Variants in ZNF765 observed in about 807,000 individuals in gnomAD.
The protein encoded by ZNF765 is zinc finger protein 765.
In ZNF765, 37 loss-of-function variants were observed where a neutral mutation model predicts 44.7. That is an observed-to-expected ratio of 0.83 (90% CI 0.64 to 1.09). The LOEUF is 1.09. Among genes scored for constraint, ZNF765 ranks in the 50% least tolerant of loss-of-function variants. The pLI is 0.00. For synonymous variants in ZNF765, 201 were observed against 213.7 expected (o/e 0.94, Z 0.52); for missense variants, 594 against 626.1 (o/e 0.95, Z 0.55).
At chr19:53,426,504 T>C (rs1458023807) in exon 4 of ZNF765, 2 of 152,192 alleles carry the variant, frequency 1.3e-5, no homozygotes, top group African/African-American at 4.8e-5. Flanking sequence ...GCTGCACTAA[T>C]CTAGACCAGG....
rs201345896 is a variant in ZNF765 at position 53,407,777 on chromosome 19, T to G, written c.222T>G (p.Ser74=). 3 of 1,610,722 alleles carry G rather than the reference T, an allele frequency of 1.9e-6. No homozygotes were observed. The highest frequency in any genetic ancestry group is 1.7e-5 in the Admixed American group (1 of 59,640). ...GAGAAGTGTTCCATGCAGGGACATCTCAAAGACATGAAAGTCATCACAATG... is the reference window on the plus strand; with the variant it reads ...GAGAAGTGTTCCATGCAGGGACATCGCAAAGACATGAAAGTCATCACAATG... ...GNREVFHAGT[S]QRHESHHNGD... The change falls in exon 4 of 4, where the codon TCT becomes TCG. Residue 74 remains serine (S), a synonymous_variant. Coordinates refer to ENST00000396408, the MANE Select transcript of ZNF765 (RefSeq NM_001040185.3).
rs771703645 is a variant in ZNF765, at chr19:53,407,821, A to G, written c.266A>G (p.Asp89Gly). The part of the protein sequence containing the change: ...SHHNGDFCFQ[D>G]IDKDIHDIEF... ...CACAATGGAGATTTTTGTTTCCAGGATATTGATAAAGATATTCATGACATT... is the reference window on the plus strand; with the variant it reads ...CACAATGGAGATTTTTGTTTCCAGGGTATTGATAAAGATATTCATGACATT... Residue 89 changes from aspartate to glycine, a missense_variant, in exon 4 of 4, where the codon GAT becomes GGT. This residue lies in a region of ZNF765 where 567 missense variants were observed against 572.6 expected (regional missense o/e 0.99). Coordinates refer to ENST00000396408, the MANE Select transcript of ZNF765 (RefSeq NM_001040185.3). The G allele has an allele frequency of 3.0e-5, 49 of 1,613,446 alleles. No individual in the cohort carries two copies. The highest frequency in any genetic ancestry group is 3.8e-5 in the Non-Finnish European group (45 of 1,179,818).
downstream of ZNF765, among the ~76,000 whole-genome samples, chr19:53,413,940 A>AAAAAG (rs2085852818): frequency 6.7e-6 from 1 of 149,654 alleles, no homozygotes; most frequent in Non-Finnish European, 1.5e-5. Flanking sequence ...CAAAAAAAAA[A>AAAAAG]AAAAAAAAGC....
intron 3 of ZNF765, among the ~76,000 whole-genome samples, chr19:53,418,919 A>T (rs536018472): frequency 9.3e-5 from 14 of 151,096 alleles, no homozygotes; most frequent in African/African-American, 3.1e-4. Flanking sequence ...GGAAAAAAAA[A>T]AAAAAAAAAA....
At chr19:53,406,206 T>C (rs981606206) in intron 3 of ZNF765, among the ~76,000 whole-genome samples, 3 of 151,590 alleles carry the variant, frequency 2.0e-5, no homozygotes, top group African/African-American at 7.3e-5. Flanking sequence ...TTTTTTTGTA[T>C]TTTTAGTAGA....
rs2085812674 is a variant in ZNF765 at position 53,409,458 on chromosome 19, T to G, written c.*331T>G. On this transcript the variant is annotated 3_prime_UTR_variant, in exon 4 of 4. Coordinates refer to ENST00000396408, the MANE Select transcript of ZNF765 (RefSeq NM_001040185.3). ...ACACTGGTGAGAAACCTTACAGGTGTAATGAGTGTGGCAAGACCTTCAGCC... is the reference window on the plus strand; with the variant it reads ...ACACTGGTGAGAAACCTTACAGGTGGAATGAGTGTGGCAAGACCTTCAGCC... The G allele has an allele frequency of 1.1e-6, 1 of 875,816 alleles. No homozygotes were observed. The highest frequency in any genetic ancestry group is 1.6e-5 in the African/African-American group (1 of 60,696). 54.3% of individuals were successfully genotyped at this position (875,816 alleles called of 1,614,324 possible). A position where few individuals can be genotyped will look rare whatever the true frequency, so the allele number is the denominator to read the frequency against.
intron 2 of ZNF765, among the ~76,000 whole-genome samples, chr19:53,401,373 C>T (rs2085723942): frequency 6.6e-6 from 1 of 151,406 alleles, no homozygotes; most frequent in Non-Finnish European, 1.5e-5. Context: ...ACAATCCTGG[C>T]TAACACGGTG....
intron 3 of ZNF765, among the ~76,000 whole-genome samples, chr19:53,418,328 G>T (rs1247531664): frequency 6.6e-6 from 1 of 152,090 alleles, no homozygotes; most frequent in Non-Finnish European, 1.5e-5. Flanking sequence ...GACAGAGTGA[G>T]ACTCCATCTC....
intron 1 of ZNF765, among the ~76,000 whole-genome samples, chr19:53,396,243 G>C (rs1489752601): frequency 2.0e-5 from 3 of 151,614 alleles, no homozygotes. Context: ...CTAGAGAGTG[G>C]GGATGAGGGT....
intron 2 of ZNF765, among the ~76,000 whole-genome samples, chr19:53,398,728 T>C (rs2085694336): frequency 6.6e-6 from 1 of 152,192 alleles, no homozygotes; most frequent in Non-Finnish European, 1.5e-5. Context: ...ATTTTTATTA[T>C]CAGTACTATT....
downstream of ZNF765, among the ~76,000 whole-genome samples, chr19:53,415,818 C>T (rs1479859463): frequency 6.6e-6 from 1 of 152,166 alleles, no homozygotes; most frequent in Non-Finnish European, 1.5e-5. Flanking sequence ...TTTCAAAATA[C>T]AGCATGTGAA....
rs745683121 is a variant in ZNF765, at chr19:53,407,919, A to G, written c.364A>G (p.Ser122Gly). 6.2e-7 allele frequency: 1 copy of G among 1,614,182 alleles called. No individual in the cohort carries two copies. The highest frequency in any genetic ancestry group is 8.5e-7 in the Non-Finnish European group (1 of 1,180,018). ...GACAAAAATCAAAAAGTTGACAGGT[A>G]GTACAGAGCGATATGATCAAAATTA... ...LMTKIKKLTGSTERYDQNYAG... is the reference protein window; with the variant it reads ...LMTKIKKLTGGTERYDQNYAG... Residue 122 changes from serine to glycine, a missense_variant, in exon 4 of 4, where the codon AGT becomes GGT. Coordinates refer to ENST00000396408, the MANE Select transcript of ZNF765 (RefSeq NM_001040185.3).
At chr19:53,421,858 T>A (rs943296074) in intron 3 of ZNF765, among the ~76,000 whole-genome samples, 4 of 152,198 alleles carry the variant, frequency 2.6e-5, no homozygotes, top group African/African-American at 9.7e-5. Flanking sequence ...GATGCCCTAG[T>A]GTTTCACGTC....
intron 2 of ZNF765, among the ~76,000 whole-genome samples, chr19:53,399,694 A>T (rs1020993435): frequency 1.1e-4 from 16 of 151,162 alleles, no homozygotes; most frequent in Non-Finnish European, 1.6e-4. Flanking sequence ...AAAAAAAAAA[A>T]TTTTTACGTT....
intron 2 of ZNF765, chr19:53,401,842 C>T: frequency 8.1e-7 from 1 of 1,228,792 alleles, no homozygotes. Flanking sequence ...TGCCATTGCA[C>T]TCCAGGCTGG....
At chr19:53,412,746 C>T (rs892352837), downstream of ZNF765, among the ~76,000 whole-genome samples, 1 of 151,944 alleles carries the variant, frequency 6.6e-6, no homozygotes, top group Non-Finnish European at 1.5e-5. Flanking sequence ...GTCTTGAACT[C>T]GTGACCTCGT....
At chr19:53,400,509 AT>A (rs1258713156) in intron 2 of ZNF765, among the ~76,000 whole-genome samples, 1 of 152,008 alleles carries the variant, frequency 6.6e-6, no homozygotes, top group African/African-American at 2.4e-5. Context: ...CTGCCAATGT[AT>A]CCTTTTGCAG....
In ZNF765 at chr19:53,400,107, T is replaced by C. The variant is rs572920425; in HGVS notation, c.16-1958T>C. 1.1e-4 allele frequency among the ~76,000 whole-genome samples: 16 copies of C among 152,310 alleles called. 1 individual carries two copies. Among genetic ancestry groups the C allele is most frequent in the East Asian group, 9.7e-4 (5 of 5,176 alleles). On this transcript the variant is annotated intron_variant, in intron 2 of 3. Transcript: ENST00000396408. Reference sequence around the variant, plus strand: ...GATTACAGGCATGAGCCACCGCATCTGGCCCCCAGTAGTTATTTTTTCTAG... The same window carrying C: ...GATTACAGGCATGAGCCACCGCATCCGGCCCCCAGTAGTTATTTTTTCTAG...
chr19:53,421,065 A>C (rs563562480), intron 3 of ZNF765, among the ~76,000 whole-genome samples: 1 of 152,150 alleles, frequency 6.6e-6, no homozygotes, highest in East Asian at 1.9e-4. Flanking sequence ...ACCTGGTTGT[A>C]TGTTCTATTT....
Sources: allele counts gnomAD v4.1 joint callset (sites outside exome capture counted in the v4.1 genomes callset), GRCh38; gene constraint gnomAD v4.1.1; regional missense constraint gnomAD v4.1.1; transcripts MANE v1.5; gene names NCBI Gene and HGNC (gene_info 2026-07-23, HGNC 2026-07-21).